The following CSMD2 variants were observed in gnomAD, a reference collection of about 807,000 sequenced individuals.
The protein encoded by CSMD2 is CUB and Sushi multiple domains 2.
In CSMD2, 130 loss-of-function variants were observed where a neutral mutation model predicts 398.5. The ratio of observed to expected loss-of-function variants is 0.33; its 90% CI spans 0.28 to 0.38. CSMD2 has a LOEUF of 0.38. CSMD2 is among the 10% of genes least tolerant of loss of function. The pLI, the probability that CSMD2 is intolerant of heterozygous loss-of-function variation, is 1.00. For synonymous variants in CSMD2, 1,828 were observed against 1,908.5 expected (o/e 0.96, Z 1.10); for missense variants, 3,829 against 4,764.9 (o/e 0.80, Z 5.78).
In CSMD2 at chr1:34,144,065, GATCA is replaced by G. The variant is rs371261631; in HGVS notation, c.187+20842_187+20845del. On this transcript the variant is annotated intron_variant, in intron 1 of 70. Coordinates refer to ENST00000373381, the MANE Select transcript of CSMD2 (RefSeq NM_001281956.2). ...TGCCACAGAGATAAGCGGGCCAGAT[GATCA>G]ATGTCTTAGTCAACATCTCCTCTCA... 3.3e-3 allele frequency among the ~76,000 whole-genome samples: 505 copies of G among 152,226 alleles called. 4 individuals are homozygous for G. Among genetic ancestry groups the G allele is most frequent in the Middle Eastern group, 0.024 (7 of 294 alleles).
intron 3 of CSMD2, among the ~76,000 whole-genome samples, chr1:34,021,569 G>A (rs551379449): frequency 9.9e-5 from 15 of 152,192 alleles, no homozygotes; most frequent in Non-Finnish European, 1.9e-4. Context: ...CCTTGAGCAC[G>A]GTTATGGGAG....
intron 1 of CSMD2, among the ~76,000 whole-genome samples, chr1:34,096,389 T>C (rs1659306796): frequency 6.6e-6 from 1 of 152,044 alleles, no homozygotes; most frequent in South Asian, 2.1e-4. Context: ...CTATTCAACA[T>C]AGCGTTGGAA....
At chr1:34,086,376 G>A (rs925070094) in intron 2 of CSMD2, among the ~76,000 whole-genome samples, 17 of 152,190 alleles carry the variant, frequency 1.1e-4, no homozygotes, top group Admixed American at 3.9e-4. Flanking sequence ...TAGCCCTGAC[G>A]GCCTTGAACT....
chr1:33,676,138 G>A (rs980303382), intron 25 of CSMD2, among the ~76,000 whole-genome samples: 1 of 152,188 alleles, frequency 6.6e-6, no homozygotes, highest in Admixed American at 6.5e-5. Context: ...GAAATAAAGG[G>A]TATTCAATTA....
upstream of CSMD2, chr1:34,165,304 G>C (rs954931675): frequency 9.2e-6 from 11 of 1,200,678 alleles, no homozygotes; most frequent in Admixed American, 4.2e-5. Context: ...CCCGCTTCGC[G>C]GGGTTCGCGC....
chr1:34,160,275 C>A (rs1306654680), intron 1 of CSMD2, among the ~76,000 whole-genome samples: 1 of 152,220 alleles, frequency 6.6e-6, no homozygotes, highest in Non-Finnish European at 1.5e-5. Flanking sequence ...CCGCTGCAGT[C>A]AGCTCATTTT....
intron 10 of CSMD2, among the ~76,000 whole-genome samples, chr1:33,799,775 A>G (rs1655377000): frequency 1.3e-5 from 2 of 152,224 alleles, no homozygotes; most frequent in Non-Finnish European, 2.9e-5. Flanking sequence ...TACAAGGAGC[A>G]TGAGACCCGG....
chr1:33,544,831 T>TTATTTATATATATATATA (rs1656717100), intron 57 of CSMD2, among the ~76,000 whole-genome samples: 2 of 142,018 alleles, frequency 1.4e-5, no homozygotes, highest in South Asian at 4.7e-4. Context: ...CACTGTGCAT[T>TTATTTATATATATATATA]TATATATATA....
chr1:33,842,269 T>C (rs1451841485), intron 6 of CSMD2, among the ~76,000 whole-genome samples: 1 of 152,242 alleles, frequency 6.6e-6, no homozygotes, highest in Non-Finnish European at 1.5e-5. Context: ...TTCCTTTTCA[T>C]CTTCACTCCT....
chr1:33,901,579 A>G (rs1642761331), intron 5 of CSMD2, among the ~76,000 whole-genome samples: 1 of 152,210 alleles, frequency 6.6e-6, no homozygotes, highest in Admixed American at 6.5e-5. Context: ...ATGCATCTAA[A>G]GGTTTCAGGA....
intron 1 of CSMD2, among the ~76,000 whole-genome samples, chr1:34,114,716 G>A (rs1217218660): frequency 6.6e-6 from 1 of 152,092 alleles, no homozygotes; most frequent in Non-Finnish European, 1.5e-5. Flanking sequence ...AGGAAGGGTG[G>A]TGTACATAAT....
At chr1:34,045,291 G>A (rs760320133) in intron 2 of CSMD2, among the ~76,000 whole-genome samples, 79 of 152,248 alleles carry the variant, frequency 5.2e-4, no homozygotes, top group Non-Finnish European at 8.8e-4. Flanking sequence ...AGCTGAGGCT[G>A]TAGCTACATT....
Position 33,935,968 on chromosome 1 carries a change from CAG to C in CSMD2, c.518-16_518-15del, listed in dbSNP as rs763202591. 5.6e-5 allele frequency: 90 copies of C among 1,598,756 alleles called. No homozygotes were observed. The Middle Eastern group carries it at 8.4e-4, about 15-fold the overall frequency. ...GGCTGGGGAGAACTGTGAGGAGAAACAGAGAAAGAGACGGGTACCCCGTGAGC... is the reference window on the plus strand; with the variant it reads ...GGCTGGGGAGAACTGTGAGGAGAAACAGAAAGAGACGGGTACCCCGTGAGC... On this transcript the variant is annotated splice_polypyrimidine_tract_variant and intron_variant, in intron 3 of 70. Transcript: ENST00000373381.
intron 49 of CSMD2, among the ~76,000 whole-genome samples, chr1:33,573,677 A>G (rs1659807711): frequency 6.6e-6 from 1 of 152,230 alleles, no homozygotes; most frequent in Non-Finnish European, 1.5e-5. Context: ...TCAATCCTCA[A>G]TACAGAAGGT....
At chr1:33,590,632 CACAT>C (rs1182425142) in intron 44 of CSMD2, among the ~76,000 whole-genome samples, 1 of 151,192 alleles carries the variant, frequency 6.6e-6, no homozygotes, top group East Asian at 1.9e-4. Flanking sequence ...CACACACACA[CACAT>C]ATACTCTTAC....
chr1:33,788,822 G>C, intron 11 of CSMD2, 110 bp from the exon 12 acceptor site: 1 of 683,096 alleles, frequency 1.5e-6, no homozygotes, highest in Non-Finnish European at 2.6e-6. Flanking sequence ...GCCCGCTCGG[G>C]CAAATTCTGG....
At chr1:33,717,549 G>A (rs1347747865) in intron 19 of CSMD2, among the ~76,000 whole-genome samples, 1 of 151,946 alleles carries the variant, frequency 6.6e-6, no homozygotes, top group East Asian at 2.0e-4. Context: ...GAAGGTGTGG[G>A]TTGTAGAAGA....
intron 25 of CSMD2, among the ~76,000 whole-genome samples, chr1:33,681,764 T>C (rs1242413197): frequency 4.6e-5 from 7 of 152,212 alleles, no homozygotes; most frequent in South Asian, 4.1e-4. Flanking sequence ...TCAGGAGTTC[T>C]AGACCAGCCT....
intron 1 of CSMD2, among the ~76,000 whole-genome samples, chr1:34,111,552 A>G (rs528974427): frequency 1.3e-5 from 2 of 152,364 alleles, no homozygotes; most frequent in African/African-American, 4.8e-5. Context: ...GCCCCACACA[A>G]TCATGACTTT....
Sources: allele counts gnomAD v4.1 joint callset (sites outside exome capture counted in the v4.1 genomes callset), GRCh38; gene constraint gnomAD v4.1.1; transcripts MANE v1.5; gene names NCBI Gene and HGNC (gene_info 2026-07-23, HGNC 2026-07-21).